The following ROBO2 variants were observed in gnomAD, a reference collection of about 807,000 sequenced individuals.
The protein encoded by ROBO2 is roundabout homolog 2.
Under a neutral mutation model 160.8 loss-of-function variants are expected in ROBO2, and 53 were observed. That is an observed-to-expected ratio of 0.33 (90% CI 0.26 to 0.41). ROBO2 has a LOEUF of 0.41. ROBO2 is among the 10% of genes least tolerant of loss of function. ROBO2 has a pLI of 1.00. For synonymous variants in ROBO2, 664 were observed against 611.7 expected, an observed-to-expected ratio of 1.09 and a Z score of -1.26; for missense variants, 1,577 against 1,722.4, an observed-to-expected ratio of 0.92 and a Z score of 1.49.
intron 2 of ROBO2, among the ~76,000 whole-genome samples, chr3:76,052,678 G>A (rs186825543): frequency 1.3e-5 from 2 of 152,108 alleles, no homozygotes; most frequent in East Asian, 3.9e-4. Context: ...CTATGTTGAT[G>A]TCTTTTTATA....
At chr3:76,458,690 A>T (rs1299752273) in intron 2 of ROBO2, among the ~76,000 whole-genome samples, 2 of 152,144 alleles carry the variant, frequency 1.3e-5, no homozygotes, top group African/African-American at 4.8e-5. Flanking sequence ...GTTTAATTCG[A>T]CTTACAGTTC....
At chr3:77,552,624 AC>A (rs1327365364) in intron 8 of ROBO2, among the ~76,000 whole-genome samples, 2 of 152,096 alleles carry the variant, frequency 1.3e-5, no homozygotes, top group Non-Finnish European at 2.9e-5. Context: ...ACATTTTGTT[AC>A]AACTGGCTTG....
At chr3:76,829,076 C>T (rs1334071867) in intron 2 of ROBO2, among the ~76,000 whole-genome samples, 2 of 152,086 alleles carry the variant, frequency 1.3e-5, no homozygotes, top group Non-Finnish European at 2.9e-5. Flanking sequence ...TCCTCTAAGA[C>T]CACATCTGAG....
At chr3:76,993,622 G>GT in intron 2 of ROBO2, among the ~76,000 whole-genome samples, 1 of 152,196 alleles carries the variant, frequency 6.6e-6, no homozygotes, top group South Asian at 2.1e-4. Context: ...TTTAGTTAGC[G>GT]TGTTTCCATC....
Position 76,895,460 on chromosome 3 carries a change from C to A in ROBO2, c.110-202554C>A, listed in dbSNP as rs554188374. ...CTTAAAATTAAATTATATATTCATTCATTATACTTTATCATAGCATATTTG... is the reference window on the plus strand; with the variant it reads ...CTTAAAATTAAATTATATATTCATTAATTATACTTTATCATAGCATATTTG... On this transcript the variant is annotated intron_variant, in intron 2 of 26. Transcript: ENST00000487694. 3.9e-5 allele frequency among the ~76,000 whole-genome samples: 6 copies of A among 152,010 alleles called. No individual in the cohort carries two copies. In the South Asian group the frequency reaches 1.2e-3, roughly 32 times the overall value.
intron 2 of ROBO2, among the ~76,000 whole-genome samples, chr3:76,027,660 T>A (rs1326446879): frequency 6.6e-6 from 1 of 151,908 alleles, no homozygotes; most frequent in Non-Finnish European, 1.5e-5. Flanking sequence ...TCTCAGAAAA[T>A]TTTTAATCAA....
chr3:76,512,197 A>T (rs538560584), intron 2 of ROBO2, among the ~76,000 whole-genome samples: 2 of 151,872 alleles, frequency 1.3e-5, no homozygotes, highest in Admixed American at 1.3e-4. Context: ...TCTCTAGAGA[A>T]TCTCCTTCCT....
intron 1 of ROBO2, among the ~76,000 whole-genome samples, chr3:75,929,980 C>T (rs1947464868): frequency 6.6e-6 from 1 of 152,202 alleles, no homozygotes; most frequent in Admixed American, 6.5e-5. Flanking sequence ...CAGGCGTGAG[C>T]CACTGCACCT....
intron 2 of ROBO2, among the ~76,000 whole-genome samples, chr3:76,244,230 C>T (rs1039384658): frequency 3.3e-5 from 5 of 152,330 alleles, no homozygotes; most frequent in Admixed American, 2.0e-4. Flanking sequence ...TCAGATGTAG[C>T]AAAGGCTAGC....
Position 76,685,853 on chromosome 3 carries a change from T to A in ROBO2, c.110-412161T>A, listed in dbSNP as rs1560374840. Among the ~76,000 whole-genome samples, 3 of 152,142 alleles carry A rather than the reference T, an allele frequency of 2.0e-5. No individual in the cohort carries two copies. In the South Asian group the frequency reaches 6.2e-4, roughly 31 times the overall value. ...GGAGGTATTGTTTTATTTAAATGAT[T>A]TAGATACGCATGACTTTAATTAATT... On this transcript the variant is annotated intron_variant, in intron 2 of 26. Transcript: ENST00000487694.
intron 2 of ROBO2, among the ~76,000 whole-genome samples, chr3:76,600,587 C>T (rs988268256): frequency 7.2e-5 from 11 of 152,090 alleles, no homozygotes; most frequent in Non-Finnish European, 1.2e-4. Flanking sequence ...CCTTATCATA[C>T]CATCAGATCT....
chr3:76,305,596 TA>T (rs921735222), intron 2 of ROBO2, among the ~76,000 whole-genome samples: 1 of 150,716 alleles, frequency 6.6e-6, no homozygotes, highest in Non-Finnish European at 1.5e-5. Flanking sequence ...CCATCTCTGC[TA>T]AAAATACAAA....
intron 13 of ROBO2, among the ~76,000 whole-genome samples, chr3:77,569,964 T>G (rs547142504): frequency 1.9e-4 from 29 of 152,166 alleles, no homozygotes; most frequent in African/African-American, 6.5e-4. Flanking sequence ...TATTGGTTTC[T>G]ATTCTTCTGT....
At chr3:75,998,846 A>G (rs761212609) in intron 2 of ROBO2, among the ~76,000 whole-genome samples, 2 of 152,214 alleles carry the variant, frequency 1.3e-5, no homozygotes, top group African/African-American at 2.4e-5. Flanking sequence ...TCTTAGCCTC[A>G]TCTTCTTCAT....
At chr3:76,927,750 C>G (rs1008881462) in intron 2 of ROBO2, among the ~76,000 whole-genome samples, 6 of 152,152 alleles carry the variant, frequency 3.9e-5, no homozygotes, top group African/African-American at 1.2e-4. Flanking sequence ...ATTAAATGAA[C>G]TTTCTATTTT....
At chr3:76,127,592 G>GAA (rs140905293) in intron 2 of ROBO2, among the ~76,000 whole-genome samples, 8,414 of 126,528 alleles carry the variant, frequency 0.066, 416 homozygotes, top group East Asian at 0.18. Flanking sequence ...TATATGGTTT[G>GAA]AAAAAATATA....
intron 2 of ROBO2, among the ~76,000 whole-genome samples, chr3:76,418,167 A>G (rs930072017): frequency 1.3e-5 from 2 of 151,972 alleles, no homozygotes; most frequent in Admixed American, 6.6e-5. Context: ...TTATAATTAT[A>G]TAACTAGGGA....
chr3:77,451,868 C>A (rs1194917209), intron 2 of ROBO2, among the ~76,000 whole-genome samples: 1 of 151,886 alleles, frequency 6.6e-6, no homozygotes, highest in African/African-American at 2.4e-5. Flanking sequence ...TGGTGTGCTG[C>A]ACCCATTAAC....
chr3:77,325,569 G>A (rs967366162), intron 2 of ROBO2, among the ~76,000 whole-genome samples: 2 of 152,160 alleles, frequency 1.3e-5, no homozygotes, highest in African/African-American at 4.8e-5. Context: ...ACTGATGTCA[G>A]CATAAAATTA....
Sources: gnomAD v4.1 joint callset for allele counts (sites outside exome capture counted in the v4.1 genomes callset) on GRCh38, gnomAD v4.1.1 for gene constraint, MANE v1.5 for transcripts, NCBI Gene and HGNC (gene_info 2026-07-23, HGNC 2026-07-21) for gene names.